GREB1: variants seen among roughly 807,000 people sequenced by gnomAD.
The protein encoded by GREB1 is growth regulating estrogen receptor binding 1, also known as protein GREB1.
GREB1 carries 106 observed loss-of-function variants against 200.7 expected under a neutral mutation model. The ratio of observed to expected loss-of-function variants is 0.53; its 90% CI spans 0.45 to 0.62. GREB1 has a LOEUF of 0.62. Ranked by LOEUF, GREB1 falls within the 20% of genes least tolerant of loss-of-function variation. The pLI is 0.00. For synonymous variants in GREB1, 1,132 were observed against 1,092.4 expected, an observed-to-expected ratio of 1.04 and a Z score of -0.72; for missense variants, 2,243 against 2,556.8, an observed-to-expected ratio of 0.88 and a Z score of 2.65.
At chr2:11,482,900 A>G (rs1672539656) in intron 1 of GREB1, among the ~76,000 whole-genome samples, 3 of 151,282 alleles carry the variant, frequency 2.0e-5, no homozygotes, top group Non-Finnish European at 4.4e-5. Context: ...AGGCTGGGCT[A>G]GCCTCCGTCG....
chr2:11,538,322 A>C (rs1674395845), intron 1 of GREB1, among the ~76,000 whole-genome samples: 1 of 151,202 alleles, frequency 6.6e-6, no homozygotes, highest in Non-Finnish European at 1.5e-5. Flanking sequence ...ACAGCTGGGA[A>C]CTCTCCTCCC....
Position 11,634,463 on chromosome 2 carries a change from G to A in GREB1, c.5210+114G>A, listed in dbSNP as rs1685145338. 1.2e-5 allele frequency: 9 copies of A among 725,068 alleles called. No individual in the cohort carries two copies. In the South Asian group the frequency reaches 1.6e-4, roughly 13 times the overall value. 44.9% of individuals were successfully genotyped at this position (725,068 alleles called of 1,614,324 possible). A position where few individuals can be genotyped will look rare whatever the true frequency, so the allele number is the denominator to read the frequency against. On this transcript the variant is annotated intron_variant, in intron 29 of 32. Coordinates refer to ENST00000381486, the MANE Select transcript of GREB1 (RefSeq NM_014668.4). ...TGGCTGTGAGCACTGACCTGGCCTT[G>A]CTCTCCGTTGTCCCAGTTTTTTTAG...
chr2:11,625,378 C>A, intron 24 of GREB1, 66 bp downstream of exon 24: 3 of 1,508,360 alleles, frequency 2.0e-6, no homozygotes, highest in South Asian at 1.2e-5. Context: ...AAGGGATGAG[C>A]TGGATTTTGT....
chr2:11,602,590 G>A (rs1425568247), intron 17 of GREB1, 48 bp downstream of exon 17: 1 of 1,551,428 alleles, frequency 6.4e-7, no homozygotes, highest in Non-Finnish European at 8.9e-7. Context: ...TAGCTTAAAG[G>A]GCAAGTTGAG....
intron 17 of GREB1, 80 bp downstream of exon 17, chr2:11,602,622 A>G (rs2148251402): frequency 7.8e-7 from 1 of 1,287,992 alleles, no homozygotes. Flanking sequence ...CAGCCAGGGA[A>G]TTCCAGGAAG....
At chr2:11,630,200 T>G in intron 26 of GREB1, 91 bp downstream of exon 26, 1 of 1,256,470 alleles carries the variant, frequency 8.0e-7, no homozygotes. Context: ...TGTGAGGGAG[T>G]GCAGACACCG....
chr2:11,559,399 TCTTA>T (rs1451308804), intron 2 of GREB1, among the ~76,000 whole-genome samples: 1 of 152,236 alleles, frequency 6.6e-6, no homozygotes, highest in East Asian at 1.9e-4. Flanking sequence ...AATCCTGCTT[TCTTA>T]CTGACTGGAT....
intron 7 of GREB1, among the ~76,000 whole-genome samples, chr2:11,583,863 A>C (rs1047461613): frequency 1.3e-5 from 2 of 152,088 alleles, no homozygotes; most frequent in Admixed American, 1.3e-4. Context: ...CTGTCTCGAA[A>C]AAAAAAATCA....
rs747534769 is a variant in GREB1 at position 11,640,365 on chromosome 2, G to A, written c.5761G>A (p.Glu1921Lys). Residue 1921 changes from glutamate (E) to lysine (K), a missense_variant, in exon 33 of 33, where the codon GAG becomes AAG. Physicochemically the swap from Glu to Lys is moderately conservative, Grantham distance 56. Coordinates refer to ENST00000381486, the MANE Select transcript of GREB1 (RefSeq NM_014668.4). This position sits in a 1 kb window ranked among gnomAD's most constrained non-coding sequence, Gnocchi z 4.6. ...GGTCGTCCGCCTGGAGCTCGAGGACGAGTGGCAGTTCCGGCTGCGCGATGA... is the reference window on the plus strand; with the variant it reads ...GGTCGTCCGCCTGGAGCTCGAGGACAAGTGGCAGTTCCGGCTGCGCGATGA... The part of the protein sequence containing the change: ...QTVVRLELED[E>K]WQFRLRDEFQ... 46 of 1,614,074 alleles carry A rather than the reference G, an allele frequency of 2.8e-5. No homozygotes were observed. The highest frequency in any genetic ancestry group is 3.6e-5 in the Non-Finnish European group (42 of 1,180,046).
intron 5 of GREB1, 54 bp downstream of exon 5, chr2:11,576,589 C>A: frequency 7.0e-7 from 1 of 1,418,766 alleles, no homozygotes; most frequent in Non-Finnish European, 9.8e-7. Context: ...CCAAGTGGGC[C>A]GTGGTGCCTG....
chr2:11,594,021 T>G (rs1056399408), intron 11 of GREB1, among the ~76,000 whole-genome samples: 1 of 152,208 alleles, frequency 6.6e-6, no homozygotes, highest in African/African-American at 2.4e-5. Context: ...ACTTTTTTTT[T>G]GAGACAGGGT....
chr2:11,621,155 C>G (rs1398048004), intron 23 of GREB1, 148 bp downstream of exon 23: 1 of 622,140 alleles, frequency 1.6e-6, no homozygotes. Context: ...TGCTATTTAT[C>G]TTGTAGTCAT....
chr2:11,601,190 C>T (rs1172303341), intron 16 of GREB1, among the ~76,000 whole-genome samples, 195 bp downstream of exon 16: 1 of 152,222 alleles, frequency 6.6e-6, no homozygotes, highest in Non-Finnish European at 1.5e-5. Flanking sequence ...CGCCAGTTGG[C>T]TTCCTCATCT....
rs776554870 is a variant in GREB1 at position 11,580,898 on chromosome 2, A to G, written c.901+66A>G. The G allele has an allele frequency of 4.4e-6, 7 of 1,599,894 alleles. No homozygotes were observed. The highest frequency in any genetic ancestry group is 6.0e-6 in the Non-Finnish European group (7 of 1,168,442). On this transcript the variant is annotated intron_variant, in intron 7 of 32. Transcript: ENST00000381486. This position sits in a 1 kb window ranked among gnomAD's most constrained non-coding sequence, Gnocchi z 4.5. ...TCTTTGGGCCAAGGCCAGAGGGGGC[A>G]TGGGAGCTGCTGGGCTGGGGCCGCT... is the stretch of plus-strand genomic sequence containing the variant.
intron 7 of GREB1, among the ~76,000 whole-genome samples, chr2:11,582,630 G>T (rs1357353869): frequency 6.6e-6 from 1 of 152,234 alleles, no homozygotes; most frequent in African/African-American, 2.4e-5. Context: ...CCTCGGCGCT[G>T]TGCAGTTCCC....
intron 1 of GREB1, among the ~76,000 whole-genome samples, chr2:11,513,124 C>T (rs1338789881): frequency 3.3e-5 from 5 of 152,134 alleles, no homozygotes; most frequent in East Asian, 1.9e-4. Flanking sequence ...GTATTCATAA[C>T]GAAGACTATG....
Position 11,509,029 on chromosome 2 carries a change from C to T in GREB1, c.-159+26648C>T, listed in dbSNP as rs577557464. Among the ~76,000 whole-genome samples, 72 of 152,000 alleles carry T rather than the reference C, an allele frequency of 4.7e-4. 1 individual carries two copies. Among genetic ancestry groups the T allele is most frequent in the African/African-American group, 1.5e-3 (63 of 41,462 alleles). ...AGCTGGGACTACAGGCGCCCGCCAC[C>T]ACGCCCGGCTAATTTTTTTGTATTT... On this transcript the variant is annotated intron_variant, in intron 1 of 2. Coordinates refer to the GREB1 transcript ENST00000628795.
intron 16 of GREB1, 59 bp from the exon 17 acceptor site, chr2:11,602,347 A>T: frequency 6.5e-7 from 1 of 1,547,300 alleles, no homozygotes; most frequent in Non-Finnish European, 8.9e-7. Context: ...TGGCACACGA[A>T]CCTCTGACCG....
intron 1 of GREB1, among the ~76,000 whole-genome samples, chr2:11,518,438 T>G (rs1340048246): frequency 6.6e-6 from 1 of 152,050 alleles, no homozygotes; most frequent in Non-Finnish European, 1.5e-5. Flanking sequence ...ACACTGAGTT[T>G]TGAGTTCCAG....
Sources: gnomAD v4.1 joint callset for allele counts (sites outside exome capture counted in the v4.1 genomes callset) on GRCh38, gnomAD v4.1.1 for gene constraint, Gnocchi (gnomAD v3.1) non-coding constraint, MANE v1.5 for transcripts, NCBI Gene and HGNC (gene_info 2026-07-23, HGNC 2026-07-21) for gene names.